Variants in IRAK2 observed in about 807,000 individuals in gnomAD.
IRAK2 encodes the protein interleukin 1 receptor associated kinase 2.
In IRAK2, 57 loss-of-function variants were observed where a neutral mutation model predicts 72.0. The observed-to-expected ratio is 0.79, with a 90% CI of 0.64 to 0.99. The LOEUF is 0.99. Ranked by LOEUF, IRAK2 falls within the 50% of genes least tolerant of loss-of-function variation. The probability of loss-of-function intolerance (pLI) is 0.00; values close to 1 mark genes in which losing one functional copy is unlikely to be tolerated. For missense variants in IRAK2, 790 were observed against 794.4 expected, an observed-to-expected ratio of 0.99 and a Z score of 0.07; for synonymous variants, 293 against 312.7, an observed-to-expected ratio of 0.94 and a Z score of 0.67.
At chr3:10,206,139 G>A (rs2125153220) in intron 3 of IRAK2, among the ~76,000 whole-genome samples, 1 of 152,336 alleles carries the variant, frequency 6.6e-6, no homozygotes, top group South Asian at 2.1e-4. Flanking sequence ...GGACCATGGT[G>A]CGCCATTTCC....
At chr3:10,216,812 G>A in intron 6 of IRAK2, 122 bp from the exon 7 acceptor site, 2 of 716,808 alleles carry the variant, frequency 2.8e-6, no homozygotes, top group South Asian at 3.3e-5. Flanking sequence ...GTCAGAGTAT[G>A]TGGTACCTGG....
intron 8 of IRAK2, among the ~76,000 whole-genome samples, chr3:10,221,353 A>G (rs961747870): frequency 7.2e-6 from 1 of 138,750 alleles, no homozygotes; most frequent in Non-Finnish European, 1.5e-5. Flanking sequence ...TCCCAGGTTC[A>G]CGCCATTCTC....
At chr3:10,206,025 A>G (rs1697428516) in intron 3 of IRAK2, among the ~76,000 whole-genome samples, 1 of 152,202 alleles carries the variant, frequency 6.6e-6, no homozygotes, top group South Asian at 2.1e-4. Context: ...GGTGAGAGGC[A>G]GATACCAAGA....
chr3:10,225,854 G>A (rs1428799285), intron 9 of IRAK2, among the ~76,000 whole-genome samples: 1 of 151,838 alleles, frequency 6.6e-6, no homozygotes, highest in Non-Finnish European at 1.5e-5. Context: ...ACCCGCCACC[G>A]CGCCTGGCTC....
chr3:10,217,065 T>C lies in IRAK2; in HGVS notation c.903+17T>C. ...CAGGGTCAGGTAAGGGACTGGGTCATGGTCAGAGAATGGGACCAGGCTGCA... is the reference window on the plus strand; with the variant it reads ...CAGGGTCAGGTAAGGGACTGGGTCACGGTCAGAGAATGGGACCAGGCTGCA... On this transcript the variant is annotated intron_variant, in intron 7 of 12. Transcript: ENST00000256458. The C allele has an allele frequency of 3.2e-6, 5 of 1,576,724 alleles. No homozygotes were observed. Among genetic ancestry groups the C allele is most frequent in the East Asian group, 2.2e-5 (1 of 44,656 alleles).
intron 1 of IRAK2, among the ~76,000 whole-genome samples, chr3:10,167,185 C>G (rs1472976385): frequency 1.3e-5 from 2 of 152,144 alleles, no homozygotes; most frequent in Non-Finnish European, 2.9e-5. Context: ...AGTATATTCA[C>G]AGGGCTGTGT....
intron 1 of IRAK2, among the ~76,000 whole-genome samples, chr3:10,173,869 T>C (rs1298975615): frequency 2.6e-5 from 4 of 152,178 alleles, no homozygotes; most frequent in African/African-American, 4.8e-5. Flanking sequence ...TAAATGCTGA[T>C]TGGTCAACAC....
intron 7 of IRAK2, among the ~76,000 whole-genome samples, chr3:10,217,792 G>T (rs1697627072): frequency 6.6e-6 from 1 of 152,110 alleles, no homozygotes; most frequent in Non-Finnish European, 1.5e-5. Context: ...TGCTTCCCAT[G>T]GCAGGGACAA....
chr3:10,213,558 C>G lies in IRAK2; in HGVS notation c.788+10C>G. The stretch of plus-strand genomic sequence containing the variant: ...TGCAGATTTGTCTTAGGTAAGCCTC[C>G]CCTTTGTTTAGTAATAATGATAGCT... On this transcript the variant is annotated intron_variant, in intron 6 of 12. Coordinates refer to ENST00000256458, the MANE Select transcript of IRAK2 (RefSeq NM_001570.4). The G allele has an allele frequency of 6.2e-7, 1 of 1,608,736 alleles. No homozygotes were observed. Among genetic ancestry groups the G allele is most frequent in the Admixed American group, 1.7e-5 (1 of 60,000 alleles).
chr3:10,182,321 C>A (rs1173945147), intron 2 of IRAK2, among the ~76,000 whole-genome samples: 1 of 143,216 alleles, frequency 7.0e-6, no homozygotes, highest in East Asian at 2.0e-4. Context: ...CTCACTCTGT[C>A]GCCCAGCCTG....
At chr3:10,165,184 T>C (rs1696661520) in intron 1 of IRAK2, 136 bp downstream of exon 1, 6 of 704,276 alleles carry the variant, frequency 8.5e-6, no homozygotes, top group Admixed American at 2.7e-5. Flanking sequence ...CTGAGCCTCC[T>C]GGACCGGGTC....
intron 12 of IRAK2, among the ~76,000 whole-genome samples, chr3:10,241,390 T>A (rs1222491045): frequency 6.6e-6 from 1 of 151,336 alleles, no homozygotes; most frequent in African/African-American, 2.4e-5. Flanking sequence ...AAACCCCGTC[T>A]CTACTAAAAA....
intron 10 of IRAK2, among the ~76,000 whole-genome samples, chr3:10,232,687 C>A (rs1415429899): frequency 1.3e-5 from 2 of 152,040 alleles, no homozygotes; most frequent in Non-Finnish European, 2.9e-5. Flanking sequence ...AATTGTGAGA[C>A]CCTGCCTCTA....
intron 8 of IRAK2, among the ~76,000 whole-genome samples, chr3:10,221,421 CTT>C (rs1559450741): frequency 6.7e-6 from 1 of 150,272 alleles, no homozygotes; most frequent in East Asian, 2.0e-4. Flanking sequence ...GCCCGGCTAA[CTT>C]TTTGTATTTT....
At chr3:10,236,200 G>A (rs1269815013) in intron 11 of IRAK2, among the ~76,000 whole-genome samples, 2 of 152,066 alleles carry the variant, frequency 1.3e-5, no homozygotes, top group African/African-American at 4.8e-5. Flanking sequence ...AGCTCAGCAC[G>A]TTCAAGGGCC....
At chr3:10,222,105 C>T (rs1697707306) in intron 8 of IRAK2, among the ~76,000 whole-genome samples, 1 of 152,184 alleles carries the variant, frequency 6.6e-6, no homozygotes, top group African/African-American at 2.4e-5. Flanking sequence ...CCAGGCTGGT[C>T]TTGAACTCCT....
intron 1 of IRAK2, among the ~76,000 whole-genome samples, chr3:10,169,471 A>G (rs1180198085): frequency 6.6e-6 from 1 of 152,152 alleles, no homozygotes; most frequent in Non-Finnish European, 1.5e-5. Context: ...AGGGTTATCA[A>G]TTATTAATAT....
intron 2 of IRAK2, among the ~76,000 whole-genome samples, chr3:10,184,187 T>C (rs1401250187): frequency 6.6e-6 from 1 of 152,214 alleles, no homozygotes; most frequent in Admixed American, 6.5e-5. Context: ...CTACTTTCCC[T>C]CATAAGCTAT....
intron 12 of IRAK2, among the ~76,000 whole-genome samples, 154 bp downstream of exon 12, chr3:10,239,193 A>C (rs920719111): frequency 6.6e-6 from 1 of 152,196 alleles, no homozygotes; most frequent in Non-Finnish European, 1.5e-5. Flanking sequence ...CCTGGGAGGC[A>C]TCCTTGACAC....
Sources: gnomAD v4.1 joint callset for allele counts (sites outside exome capture counted in the v4.1 genomes callset) on GRCh38, gnomAD v4.1.1 for gene constraint, MANE v1.5 for transcripts, NCBI Gene and HGNC (gene_info 2026-07-23, HGNC 2026-07-21) for gene names.